The following RGPD2 variants were observed in gnomAD, a reference collection of about 807,000 sequenced individuals.
RGPD2 encodes RANBP2-like and GRIP domain-containing protein 2.
Under a neutral mutation model 36.0 loss-of-function variants are expected in RGPD2, and 2 were observed. That is an observed-to-expected ratio of 0.06 (90% CI 0.02 to 0.17). RGPD2 has a LOEUF of 0.17. Among genes scored for constraint, RGPD2 ranks in the 10% least tolerant of loss-of-function variants. RGPD2 has a pLI of 1.00. For synonymous variants in RGPD2, 19 were observed against 163.8 expected, an observed-to-expected ratio of 0.12 and a Z score of 6.75; for missense variants, 40 against 464.3, an observed-to-expected ratio of 0.09 and a Z score of 8.40.
chr2:87,772,809 T>C (rs1685167350), intron 21 of RGPD2, among the ~76,000 whole-genome samples: 1 of 150,486 alleles, frequency 6.6e-6, no homozygotes, highest in African/African-American at 2.4e-5. Flanking sequence ...AATGAGTCAG[T>C]CCAGCAGCTT....
At chr2:87,818,011 G>A (rs1686278169) in intron 2 of RGPD2, among the ~76,000 whole-genome samples, 1 of 121,914 alleles carries the variant, frequency 8.2e-6, no homozygotes, top group African/African-American at 3.0e-5. Flanking sequence ...AAGAGAGACA[G>A]ATACTGACTA....
chr2:87,963,884 G>A, the RGPD2 span, among the ~76,000 whole-genome samples: 1 of 124,030 alleles, frequency 8.1e-6, no homozygotes, highest in Admixed American at 8.9e-5. Context: ...GGTCCAGGCT[G>A]GACTCCAGTG....
At chr2:87,882,016 G>A in the RGPD2 span, among the ~76,000 whole-genome samples, 1 of 152,142 alleles carries the variant, frequency 6.6e-6, no homozygotes, top group Non-Finnish European at 1.5e-5. Context: ...GGGGGAGAAA[G>A]AAGAGATGTC....
the RGPD2 span, among the ~76,000 whole-genome samples, chr2:87,879,301 C>G: frequency 4.2e-3 from 640 of 151,860 alleles, 1 homozygote; most frequent in East Asian, 0.018. Flanking sequence ...TAAAAACACT[C>G]CAGTTATACT....
At chr2:87,919,849 G>C in the RGPD2 span, among the ~76,000 whole-genome samples, 2 of 151,066 alleles carry the variant, frequency 1.3e-5, no homozygotes, top group African/African-American at 4.9e-5. Context: ...TTGTGGAATT[G>C]AATATTAGAG....
At chr2:87,930,669 G>T in the RGPD2 span, among the ~76,000 whole-genome samples, 3 of 151,080 alleles carry the variant, frequency 2.0e-5, no homozygotes, top group Non-Finnish European at 4.4e-5. Flanking sequence ...AGCTGGTAAA[G>T]TTCAGATTTC....
At chr2:87,957,844 A>T in the RGPD2 span, among the ~76,000 whole-genome samples, 1 of 152,310 alleles carries the variant, frequency 6.6e-6, no homozygotes, top group African/African-American at 2.4e-5. Flanking sequence ...TTTGCACATC[A>T]TTGCTTCATT....
the RGPD2 span, among the ~76,000 whole-genome samples, chr2:87,878,659 C>A: frequency 6.6e-6 from 1 of 152,232 alleles, no homozygotes; most frequent in African/African-American, 2.4e-5. Context: ...CCTTGCTGTG[C>A]AGTTGAACAT....
the RGPD2 span, among the ~76,000 whole-genome samples, chr2:87,869,979 T>C: frequency 6.6e-6 from 1 of 152,390 alleles, no homozygotes. Flanking sequence ...TTCTTCTTAC[T>C]TATCCAAAGA....
the RGPD2 span, among the ~76,000 whole-genome samples, chr2:87,875,520 A>G: frequency 1.3e-5 from 2 of 152,228 alleles, no homozygotes; most frequent in East Asian, 1.9e-4. Context: ...TGCTTTGCAT[A>G]TGTTGAACCA....
At chr2:87,867,722 G>A in the RGPD2 span, among the ~76,000 whole-genome samples, 2 of 150,968 alleles carry the variant, frequency 1.3e-5, no homozygotes, top group East Asian at 3.9e-4. Flanking sequence ...AATTTAACAA[G>A]CATTGTTTAT....
the RGPD2 span, among the ~76,000 whole-genome samples, chr2:87,903,463 A>C: frequency 1.3e-5 from 2 of 152,256 alleles, no homozygotes; most frequent in Non-Finnish European, 2.9e-5. Context: ...AGCTCATCTC[A>C]TGTCCTTAGC....
chr2:87,984,318 A>G, the RGPD2 span, among the ~76,000 whole-genome samples: 1 of 152,152 alleles, frequency 6.6e-6, no homozygotes, highest in Non-Finnish European at 1.5e-5. Flanking sequence ...TTAAGATTCA[A>G]TTCTTGGGAA....
At chr2:87,810,022 G>A (rs1056605151) in intron 6 of RGPD2, among the ~76,000 whole-genome samples, 1 of 52,988 alleles carries the variant, frequency 1.9e-5, no homozygotes, top group African/African-American at 6.2e-5. Context: ...TTAGCCAGGT[G>A]TGGTGTCGGG....
the RGPD2 span, among the ~76,000 whole-genome samples, chr2:87,983,663 G>A: frequency 7.1e-6 from 1 of 141,686 alleles, no homozygotes; most frequent in East Asian, 2.1e-4. Context: ...AAGAAAAACA[G>A]GTAAATGGCA....
the RGPD2 span, among the ~76,000 whole-genome samples, chr2:87,962,640 A>G: frequency 7.3e-4 from 110 of 150,872 alleles, no homozygotes; most frequent in Non-Finnish European, 1.4e-3. Context: ...GCCTAGTAGG[A>G]AGATGAAATG....
chr2:87,884,795 AT>A, the RGPD2 span, among the ~76,000 whole-genome samples: 33 of 152,184 alleles, frequency 2.2e-4, no homozygotes, highest in Admixed American at 1.3e-3. Flanking sequence ...TTAAATAAAA[AT>A]TAAAAAGTCT....
At chr2:87,968,754 G>C in the RGPD2 span, 1 of 217,790 alleles carries the variant, frequency 4.6e-6, no homozygotes, top group African/African-American at 2.4e-5. Flanking sequence ...CCTAACTGCC[G>C]AGGGCTCATC....
chr2:87,934,572 A>G, the RGPD2 span, among the ~76,000 whole-genome samples: 1 of 151,162 alleles, frequency 6.6e-6, no homozygotes, highest in Non-Finnish European at 1.5e-5. Flanking sequence ...TTTATTATTT[A>G]GACAGTTATT....
Sources: allele counts gnomAD v4.1 joint callset (sites outside exome capture counted in the v4.1 genomes callset), GRCh38; gene constraint gnomAD v4.1.1; transcripts MANE v1.5; gene names NCBI Gene and HGNC (gene_info 2026-07-23, HGNC 2026-07-21).